Variants in MTRR observed in about 807,000 individuals in gnomAD.
MTRR encodes methionine synthase reductase.
A neutral mutation model predicts 79.2 loss-of-function variants in MTRR; 63 were observed. The observed-to-expected ratio is 0.80, with a 90% CI of 0.65 to 0.98. MTRR has a LOEUF of 0.98. MTRR is among the 50% of genes least tolerant of loss of function. MTRR has a pLI of 0.00. For synonymous variants in MTRR, 355 were observed against 313.3 expected, an observed-to-expected ratio of 1.13 and a Z score of -1.41; for missense variants, 895 against 839.6, an observed-to-expected ratio of 1.07 and a Z score of -0.82.
At chr5:7,855,116 G>C (rs1001231973) in intron 1 of MTRR, among the ~76,000 whole-genome samples, 4 of 152,212 alleles carry the variant, frequency 2.6e-5, no homozygotes, top group Non-Finnish European at 4.4e-5. Flanking sequence ...AACTACGTGA[G>C]AAAGAGTAGC....
At chr5:7,899,290 A>G (rs539409680) in intron 14 of MTRR, among the ~76,000 whole-genome samples, 50 of 152,244 alleles carry the variant, frequency 3.3e-4, no homozygotes, top group Middle Eastern at 3.4e-3. Flanking sequence ...TACACTTCCT[A>G]CCCTCAAACA....
chr5:7,853,038 C>T (rs1746121062), intron 1 of MTRR, among the ~76,000 whole-genome samples: 1 of 152,204 alleles, frequency 6.6e-6, no homozygotes, highest in African/African-American at 2.4e-5. Flanking sequence ...AGACCAAGAG[C>T]TCTTGAGGGC....
In MTRR at chr5:7,885,915, G is replaced by T. The variant is rs754501412; in HGVS notation, c.1057+61G>T. On this transcript the variant is annotated intron_variant, in intron 7 of 14. Coordinates refer to ENST00000440940, the MANE Select transcript of MTRR (RefSeq NM_002454.3). ...GGGCCAGTGGACTGGAGCTGATGGTGAGAGTGTGGCTCTAAGGTTCAGGGT... is the reference window on the plus strand; with the variant it reads ...GGGCCAGTGGACTGGAGCTGATGGTTAGAGTGTGGCTCTAAGGTTCAGGGT... 1.3e-4 allele frequency: 214 copies of T among 1,607,682 alleles called. 2 individuals carry two copies. The highest frequency in any genetic ancestry group is 1.8e-4 in the Non-Finnish European group (210 of 1,174,644).
In MTRR at chr5:7,885,709, CTT is replaced by C. The variant is rs1212701617; in HGVS notation, c.915_916del (p.Ser306LeufsTer13). ...TTTTGGCTCTTCTCTAGAATACAGA[CTT>C]TTCCTATCAGCCTGGAGATGCCTTC... The part of the protein sequence containing the change: ...LVELDISNTD[F>X]SYQPGDAFSV... On this transcript the variant is annotated frameshift_variant, in exon 7 of 15. Coordinates refer to ENST00000440940, the MANE Select transcript of MTRR (RefSeq NM_002454.3). LOFTEE classifies it high-confidence loss of function. 1 of 1,610,470 alleles carries C rather than the reference CTT, an allele frequency of 6.2e-7. No individual in the cohort carries two copies. The highest frequency in any genetic ancestry group is 1.4e-5 in the African/African-American group (1 of 73,964).
At chr5:7,891,120 G>A (rs1737468696) in intron 9 of MTRR, among the ~76,000 whole-genome samples, 1 of 152,036 alleles carries the variant, frequency 6.6e-6, no homozygotes, top group African/African-American at 2.4e-5. Context: ...TTTAAAATTC[G>A]CCTTTGGGTA....
At chr5:7,894,834 ATTTC>A (rs1738235889) in intron 11 of MTRR, among the ~76,000 whole-genome samples, 1 of 152,162 alleles carries the variant, frequency 6.6e-6, no homozygotes, top group Non-Finnish European at 1.5e-5. Flanking sequence ...TGTTTTGTTC[ATTTC>A]TGTATCCTTA....
At chr5:7,873,318 T>G in intron 2 of MTRR, 55 bp from the exon 3 acceptor site, 2 of 1,606,420 alleles carry the variant, frequency 1.2e-6, no homozygotes, top group Non-Finnish European at 1.7e-6. Context: ...GCTGCTGAGT[T>G]AAATCAAAAA....
chr5:7,872,119 C>T, intron 2 of MTRR: 2 of 312,758 alleles, frequency 6.4e-6, no homozygotes, highest in South Asian at 2.8e-5. Flanking sequence ...TTTCAAGGTA[C>T]TGACATTACT....
intron 10 of MTRR, among the ~76,000 whole-genome samples, chr5:7,891,897 C>T (rs980927677): frequency 6.6e-6 from 1 of 152,120 alleles, no homozygotes; most frequent in African/African-American, 2.4e-5. Context: ...AAAAAATTAG[C>T]CGGGCGTGGT....
Position 7,893,270 on chromosome 5 carries a change from A to C in MTRR, c.1557+357A>C, listed in dbSNP as rs748959854. 82 of 273,348 alleles carry C rather than the reference A, an allele frequency of 3.0e-4. 1 individual carries two copies. The highest frequency in any genetic ancestry group is 1.7e-3 in the South Asian group (40 of 23,496). The allele number at this position is 273,348 out of a possible 1,614,324, so 16.9% of individuals were successfully genotyped here. A position where few individuals can be genotyped will look rare whatever the true frequency, so the allele number is the denominator to read the frequency against. ...GGGTGATGAGAGACAGTCTCATTTT[A>C]TGTTTAAGATGTATACTGCCTCTCA... On this transcript the variant is annotated intron_variant, in intron 11 of 14. Transcript: ENST00000440940.
chr5:7,888,765 A>G (rs886170115), intron 8 of MTRR, among the ~76,000 whole-genome samples: 1 of 152,236 alleles, frequency 6.6e-6, no homozygotes, highest in Non-Finnish European at 1.5e-5. Flanking sequence ...GAAATAAGCT[A>G]TGTCTGCCTG....
rs576565954 is a variant in MTRR at position 7,878,620 on chromosome 5, A to G, written c.780+298A>G. Among the ~76,000 whole-genome samples the G allele has an allele frequency of 2.6e-5, 4 of 152,406 alleles. No individual in the cohort carries two copies. The East Asian group carries it at 7.7e-4, about 29-fold the overall frequency. On this transcript the variant is annotated intron_variant, in intron 5 of 14. Transcript: ENST00000440940. ...AAAAGTTTTCCCACCCAGGTATTACAAAAGGTCTTGTATTATTACTTCTGT... is the reference window on the plus strand; with the variant it reads ...AAAAGTTTTCCCACCCAGGTATTACGAAAGGTCTTGTATTATTACTTCTGT...
intron 1 of MTRR, among the ~76,000 whole-genome samples, chr5:7,857,398 TTA>T (rs934413844): frequency 3.3e-5 from 5 of 152,172 alleles, no homozygotes; most frequent in Non-Finnish European, 7.4e-5. Context: ...ACCAGCAACC[TTA>T]TATCTCTCTA....
chr5:7,885,931 G>A (rs1736350943), intron 7 of MTRR, 77 bp downstream of exon 7: 2 of 1,594,542 alleles, frequency 1.3e-6, no homozygotes, highest in Non-Finnish European at 1.7e-6. Flanking sequence ...GTGGCTCTAA[G>A]GTTCAGGGTC....
chr5:7,892,227 G>A (rs979399911), intron 10 of MTRR, among the ~76,000 whole-genome samples: 2 of 152,040 alleles, frequency 1.3e-5, no homozygotes, highest in Admixed American at 6.5e-5. Context: ...AAGTTCTTTC[G>A]CATTATTTAC....
At chr5:7,851,161 G>A, upstream of MTRR, 1 of 1,056,882 alleles carries the variant, frequency 9.5e-7, no homozygotes, top group Non-Finnish European at 1.2e-6. Context: ...GGAAACCGCC[G>A]CCTGGCGACC....
At position 7,878,368 on chromosome 5, in the gene MTRR, T is replaced by C. The variant is rs370812873; in HGVS notation, c.780+46T>C. Reference sequence around the variant, plus strand: ...GCTATAGATGCTATTTAATCATGGATGTTTGCTTTGGGCTTTTAAATTATT... The same window carrying C: ...GCTATAGATGCTATTTAATCATGGACGTTTGCTTTGGGCTTTTAAATTATT... On this transcript the variant is annotated intron_variant, in intron 5 of 14. Coordinates refer to ENST00000440940, the MANE Select transcript of MTRR (RefSeq NM_002454.3). The C allele has an allele frequency of 3.4e-5, 55 of 1,606,262 alleles. No individual in the cohort carries two copies. In the African/African-American group the frequency reaches 6.4e-4, roughly 19 times the overall value.
intron 2 of MTRR, among the ~76,000 whole-genome samples, chr5:7,862,368 C>A (rs1746613425): frequency 1.3e-5 from 2 of 152,104 alleles, no homozygotes; most frequent in African/African-American, 2.4e-5. Flanking sequence ...TGAGCACTTA[C>A]AATGTGACTG....
intron 10 of MTRR, among the ~76,000 whole-genome samples, chr5:7,891,965 C>G (rs1355319857): frequency 2.0e-5 from 3 of 152,060 alleles, no homozygotes; most frequent in Non-Finnish European, 4.4e-5. Flanking sequence ...TGGCGTGAAC[C>G]CGGGAGGCGG....
Sources: allele counts gnomAD v4.1 joint callset (sites outside exome capture counted in the v4.1 genomes callset), GRCh38; gene constraint gnomAD v4.1.1; transcripts MANE v1.5; gene names NCBI Gene and HGNC (gene_info 2026-07-23, HGNC 2026-07-21).